SPON1: variants seen among roughly 807,000 people sequenced by gnomAD.
SPON1 encodes spondin-1.
Under a neutral mutation model 111.7 loss-of-function variants are expected in SPON1, and 52 were observed. The observed-to-expected ratio is 0.47, with a 90% CI of 0.37 to 0.59. The LOEUF is 0.59. SPON1 is among the 20% of genes least tolerant of loss of function. The probability of loss-of-function intolerance (pLI) is 0.00; values close to 1 mark genes in which losing one functional copy is unlikely to be tolerated. For missense variants in SPON1, 957 were observed against 1,068.5 expected, an observed-to-expected ratio of 0.90 and a Z score of 1.46; for synonymous variants, 410 against 395.8, an observed-to-expected ratio of 1.04 and a Z score of -0.43.
intron 6 of SPON1, among the ~76,000 whole-genome samples, chr11:14,158,526 T>C (rs7482507): frequency 0.39 from 59,654 of 151,942 alleles, 11,970 homozygotes; most frequent in East Asian, 0.55. Flanking sequence ...CTCCCCAGTC[T>C]TATGAGACTG....
At chr11:14,129,236 T>G (rs1847499091) in intron 5 of SPON1, among the ~76,000 whole-genome samples, 1 of 152,246 alleles carries the variant, frequency 6.6e-6, no homozygotes, top group South Asian at 2.1e-4. Flanking sequence ...GCTTCCCTTT[T>G]AAACATAAGT....
intron 5 of SPON1, among the ~76,000 whole-genome samples, chr11:14,114,203 C>T (rs1332160797): frequency 6.6e-6 from 1 of 152,164 alleles, no homozygotes; most frequent in Non-Finnish European, 1.5e-5. Flanking sequence ...CCTTCTGTCC[C>T]CCTACTAGCC....
intron 6 of SPON1, among the ~76,000 whole-genome samples, chr11:14,200,983 C>G (rs1233349205): frequency 6.6e-6 from 1 of 152,008 alleles, no homozygotes; most frequent in Non-Finnish European, 1.5e-5. Flanking sequence ...ATCTGCATGG[C>G]TTTGGCAAGT....
chr11:14,231,134 CTT>C (rs532103835), intron 6 of SPON1, among the ~76,000 whole-genome samples: 7 of 138,542 alleles, frequency 5.1e-5, no homozygotes, highest in Admixed American at 1.5e-4. Context: ...TCTTTTTTTT[CTT>C]TTTTTTTTTT....
At chr11:14,248,149 C>T (rs1240563469) in intron 7 of SPON1, among the ~76,000 whole-genome samples, 1 of 152,068 alleles carries the variant, frequency 6.6e-6, no homozygotes, top group Admixed American at 6.5e-5. Context: ...AAGATCAAGG[C>T]TACAGGAAGC....
chr11:14,257,776 C>T lies in SPON1; in HGVS notation c.1370C>T (p.Ser457Phe). The T allele has an allele frequency of 3.1e-6, 5 of 1,613,306 alleles. No individual in the cohort carries two copies. Among genetic ancestry groups the T allele is most frequent in the African/African-American group, 1.3e-5 (1 of 75,062 alleles). The part of the protein sequence containing the change: ...NWSPWSACSS[S>F]TCDKGKRMRQ... ...TCCCCATGGTCCGCCTGCAGCTCCT[C>T]CACCTGTGACAAAGGCAAGAGGATG... Residue 457 changes from serine to phenylalanine, a missense_variant, in exon 11 of 16, where the codon TCC becomes TTC. Physicochemically the swap from Ser to Phe is radical, Grantham distance 155. Transcript: ENST00000576479.
At chr11:14,032,556 A>G (rs1306075979) in intron 2 of SPON1, among the ~76,000 whole-genome samples, 1 of 152,134 alleles carries the variant, frequency 6.6e-6, no homozygotes, top group East Asian at 1.9e-4. Context: ...CGTCAATACT[A>G]TCTCATCTAT....
chr11:14,214,389 G>T (rs1181263965), intron 6 of SPON1, among the ~76,000 whole-genome samples: 1 of 152,136 alleles, frequency 6.6e-6, no homozygotes, highest in Non-Finnish European at 1.5e-5. Flanking sequence ...TAGATAGGTG[G>T]TTCCCTTCAC....
At chr11:14,246,090 T>A (rs1278128133) in intron 7 of SPON1, among the ~76,000 whole-genome samples, 1 of 152,164 alleles carries the variant, frequency 6.6e-6, no homozygotes, top group East Asian at 1.9e-4. Flanking sequence ...GGGCAGGGGA[T>A]GAAAGGCAGG....
chr11:13,982,432 A>G (rs1848151582), intron 1 of SPON1, among the ~76,000 whole-genome samples: 1 of 152,262 alleles, frequency 6.6e-6, no homozygotes, highest in South Asian at 2.1e-4. Flanking sequence ...AAGAACACAC[A>G]GCAGCCTCTG....
chr11:14,164,020 G>T (rs921275275), intron 6 of SPON1, among the ~76,000 whole-genome samples: 1 of 152,142 alleles, frequency 6.6e-6, no homozygotes, highest in African/African-American at 2.4e-5. Flanking sequence ...TTACCTGATG[G>T]TCACTATTTA....
chr11:14,230,244 C>T (rs782162611), intron 6 of SPON1, among the ~76,000 whole-genome samples: 8 of 152,144 alleles, frequency 5.3e-5, no homozygotes, highest in Non-Finnish European at 1.0e-4. Flanking sequence ...CCATTCGGGT[C>T]ACTTGGAGCT....
intron 5 of SPON1, among the ~76,000 whole-genome samples, chr11:14,111,997 C>T (rs1554925495): frequency 6.6e-6 from 1 of 151,678 alleles, no homozygotes; most frequent in East Asian, 1.9e-4. Context: ...CCTCATACCA[C>T]CTTTTGTGCC....
Position 14,254,618 on chromosome 11 carries a change from C to T in SPON1, c.981C>T (p.Asn327=), listed in dbSNP as rs372558027. 1.9e-5 allele frequency: 31 copies of T among 1,613,996 alleles called. No individual in the cohort carries two copies. In the African/African-American group the frequency reaches 2.5e-4, roughly 13 times the overall value. Residue 327 remains asparagine (N), a synonymous_variant, in exon 8 of 16, where the codon AAC becomes AAT. Coordinates refer to ENST00000576479, the MANE Select transcript of SPON1 (RefSeq NM_006108.4). Reference sequence around the variant, plus strand: ...TGATGGGCCCTAGTCCCGACTGGAACGTAGGCTTATCTGCAGAAGATCTGT... The same window carrying T: ...TGATGGGCCCTAGTCCCGACTGGAATGTAGGCTTATCTGCAGAAGATCTGT... The part of the protein sequence containing the change: ...LTMMGPSPDW[N]VGLSAEDLCT...
chr11:14,213,965 G>A (rs1304163816), intron 6 of SPON1, among the ~76,000 whole-genome samples: 2 of 152,168 alleles, frequency 1.3e-5, no homozygotes, highest in African/African-American at 4.8e-5. Context: ...TCAAACCCAT[G>A]TGTGCACACA....
At chr11:14,102,308 A>C (rs1435955445) in intron 5 of SPON1, among the ~76,000 whole-genome samples, 1 of 152,214 alleles carries the variant, frequency 6.6e-6, no homozygotes, top group East Asian at 1.9e-4. Flanking sequence ...AAAATTAAAC[A>C]GAAGCAAGTG....
At position 14,042,814 on chromosome 11, in the gene SPON1, T is replaced by G. The variant is rs367907861; in HGVS notation, c.479+1160T>G. Among the ~76,000 whole-genome samples, 23 of 152,342 alleles carry G rather than the reference T, an allele frequency of 1.5e-4. No individual in the cohort carries two copies. In the South Asian group the frequency reaches 1.9e-3, roughly 12 times the overall value. On this transcript the variant is annotated intron_variant, in intron 3 of 15. Coordinates refer to ENST00000576479, the MANE Select transcript of SPON1 (RefSeq NM_006108.4). ...ATACCTGCAGTTCTTAGACTTCCAC[T>G]GTGCTTGGCTTATGGAAAAAACCCC...
intron 5 of SPON1, among the ~76,000 whole-genome samples, chr11:14,084,131 ATTCT>A (rs1848986251): frequency 6.6e-6 from 1 of 152,006 alleles, no homozygotes; most frequent in East Asian, 1.9e-4. Flanking sequence ...TTTCAAGGAC[ATTCT>A]TTTTTTTTTT....
At chr11:14,263,301 T>C (rs1445625626) in intron 15 of SPON1, among the ~76,000 whole-genome samples, 3 of 152,180 alleles carry the variant, frequency 2.0e-5, no homozygotes, top group African/African-American at 4.8e-5. Context: ...AAACCAATAA[T>C]GTGTCCAACT....
Sources: gnomAD v4.1 joint callset for allele counts (sites outside exome capture counted in the v4.1 genomes callset) on GRCh38, gnomAD v4.1.1 for gene constraint, MANE v1.5 for transcripts, NCBI Gene and HGNC (gene_info 2026-07-23, HGNC 2026-07-21) for gene names.